MSL2: variants seen among roughly 807,000 people sequenced by gnomAD.
The protein encoded by MSL2 is MSL complex subunit 2.
In MSL2, 2 loss-of-function variants were observed where a neutral mutation model predicts 35.8. The observed-to-expected ratio is 0.06, with a 90% CI of 0.02 to 0.18. The LOEUF is 0.18. MSL2 is among the 10% of genes least tolerant of loss of function. The pLI, the probability that MSL2 is intolerant of heterozygous loss-of-function variation, is 1.00. For synonymous variants in MSL2, 296 were observed against 255.7 expected, an observed-to-expected ratio of 1.16 and a Z score of -1.50; for missense variants, 523 against 706.7, an observed-to-expected ratio of 0.74 and a Z score of 2.95.
chr3:136,167,840 T>C (rs1194619109), intron 1 of MSL2, among the ~76,000 whole-genome samples: 2 of 152,166 alleles, frequency 1.3e-5, no homozygotes, highest in African/African-American at 2.4e-5. Context: ...ATACCCTCAA[T>C]CAACTTTTCC....
intron 1 of MSL2, among the ~76,000 whole-genome samples, chr3:136,169,002 T>A (rs143964014): frequency 0.01 from 1,534 of 152,092 alleles, 29 homozygotes; most frequent in African/African-American, 0.033. Flanking sequence ...TTGCCAGCCA[T>A]ATCACACGGC....
chr3:136,169,472 G>A (rs989757311), intron 1 of MSL2, among the ~76,000 whole-genome samples: 5 of 151,846 alleles, frequency 3.3e-5, no homozygotes, highest in Non-Finnish European at 5.9e-5. Context: ...TTTTTGAGAC[G>A]CAGTCTCACT....
At chr3:136,190,601 G>A (rs1309022335) in intron 1 of MSL2, among the ~76,000 whole-genome samples, 1 of 151,006 alleles carries the variant, frequency 6.6e-6, no homozygotes, top group Admixed American at 6.6e-5. Context: ...TACTTTCCAA[G>A]TTATCTCCAA....
Position 136,156,699 on chromosome 3 carries a change from C to CA in MSL2, c.143-3962dup, listed in dbSNP as rs764745689. Among the ~76,000 whole-genome samples the CA allele has an allele frequency of 1.2e-3, 187 of 152,008 alleles. 1 individual carries two copies. The highest frequency in any genetic ancestry group is 3.5e-4 in the Non-Finnish European group (24 of 67,982). On this transcript the variant is annotated intron_variant, in intron 1 of 1. Transcript: ENST00000309993. Reference sequence around the variant, plus strand: ...CTAACACGGTGAAACCCCATCAATACAAAAAATTAGCCGGGCGTGGTGGCA... The same window carrying CA: ...CTAACACGGTGAAACCCCATCAATACAAAAAAATTAGCCGGGCGTGGTGGCA...
chr3:136,195,871 G>C lies in MSL2; in HGVS notation c.-758C>G. On this transcript the variant is annotated 5_prime_UTR_variant, in exon 1 of 2. Coordinates refer to ENST00000309993, the MANE Select transcript of MSL2 (RefSeq NM_018133.4). The stretch of plus-strand genomic sequence containing the variant: ...CGCGGGCCGCCGCCGGCGGGCGGGA[G>C]GGGGCGGGGGGCAAGCCCGGCCGGG... The C allele has an allele frequency of 1.0e-6, 1 of 962,682 alleles. No homozygotes were observed. The highest frequency in any genetic ancestry group is 1.2e-6 in the Non-Finnish European group (1 of 810,156). 59.6% of individuals were successfully genotyped at this position (962,682 alleles called of 1,614,324 possible).
intron 1 of MSL2, among the ~76,000 whole-genome samples, chr3:136,171,069 C>A (rs748702877): frequency 1.3e-5 from 2 of 152,114 alleles, no homozygotes; most frequent in Non-Finnish European, 2.9e-5. Flanking sequence ...TAATCATTTT[C>A]TTTCATTATA....
chr3:136,159,592 G>C (rs1340858056), intron 1 of MSL2, among the ~76,000 whole-genome samples: 3 of 149,988 alleles, frequency 2.0e-5, no homozygotes, highest in African/African-American at 7.4e-5. Flanking sequence ...GGATGGTCTT[G>C]ATCTCCTGGC....
chr3:136,184,215 G>T (rs550014768), intron 1 of MSL2, among the ~76,000 whole-genome samples: 1 of 152,132 alleles, frequency 6.6e-6, no homozygotes, highest in Non-Finnish European at 1.5e-5. Flanking sequence ...AGAATTGCTC[G>T]AACCCGGGAG....
At chr3:136,154,868 GC>G (rs1269716051) in intron 1 of MSL2, among the ~76,000 whole-genome samples, 1 of 152,104 alleles carries the variant, frequency 6.6e-6, no homozygotes, top group Non-Finnish European at 1.5e-5. Flanking sequence ...ACCAGCTTGG[GC>G]AAGACAGCAA....
chr3:136,169,201 C>A, intron 1 of MSL2, among the ~76,000 whole-genome samples: 1 of 107,314 alleles, frequency 9.3e-6, no homozygotes, highest in Non-Finnish European at 1.7e-5. Context: ...ACCATGGGGG[C>A]ATGGCTTGTT....
At chr3:136,174,602 T>C (rs1405832179) in intron 1 of MSL2, among the ~76,000 whole-genome samples, 1 of 152,168 alleles carries the variant, frequency 6.6e-6, no homozygotes, top group East Asian at 1.9e-4. Flanking sequence ...GGATTCTCAA[T>C]AACAGGTTTG....
intron 1 of MSL2, among the ~76,000 whole-genome samples, chr3:136,185,794 C>T (rs559965413): frequency 6.6e-6 from 1 of 152,262 alleles, no homozygotes; most frequent in Non-Finnish European, 1.5e-5. Context: ...GCGTGAGCCA[C>T]CACGCCTGGC....
chr3:136,182,863 G>A (rs1940408361), intron 1 of MSL2, among the ~76,000 whole-genome samples: 1 of 152,202 alleles, frequency 6.6e-6, no homozygotes, highest in African/African-American at 2.4e-5. Context: ...ACAACTCACA[G>A]AAGTAGCAGA....
chr3:136,152,906 C>T, intron 1 of MSL2, 168 bp from the exon 2 acceptor site: 1 of 985,402 alleles, frequency 1.0e-6, no homozygotes, highest in Non-Finnish European at 1.2e-6. Context: ...CTTCAATTAG[C>T]TCGCTTGATT....
Position 136,151,808 on chromosome 3 carries a change from G to C in MSL2, c.1073C>G (p.Ser358Cys). ...DSEKVQPLPISTIIRGPTLGA... is the reference protein window; with the variant it reads ...DSEKVQPLPICTIIRGPTLGA... ...CAGTGTTGGGCCTCGGATAATGGTAGAAATTGGAAGTGGCTGAACTTTCTC... is the reference window on the plus strand; with the variant it reads ...CAGTGTTGGGCCTCGGATAATGGTACAAATTGGAAGTGGCTGAACTTTCTC... The change falls in exon 2 of 2, where the codon TCT (serine) becomes TGT (cysteine). Residue 358 changes from serine to cysteine, a missense_variant. By Grantham distance (112) the Ser-to-Cys change is moderately radical (BLOSUM62 -1). Around this residue, in one of 5 missense-constraint regions of MSL2, gnomAD observed 361 missense variants for 414.6 expected, o/e 0.87. Transcript: ENST00000309993. The surrounding 1 kb of genome is among the most constrained non-coding windows in gnomAD (Gnocchi z 5.2). 6.2e-7 allele frequency: 1 copy of C among 1,614,176 alleles called. No individual in the cohort carries two copies. The highest frequency in any genetic ancestry group is 1.1e-5 in the South Asian group (1 of 91,082).
intron 1 of MSL2, among the ~76,000 whole-genome samples, chr3:136,159,319 AT>A (rs1939628153): frequency 1.4e-5 from 2 of 145,782 alleles, no homozygotes; most frequent in African/African-American, 5.1e-5. Context: ...GCGACAGGGT[AT>A]CCAGATGATT....
rs1940818943 is a variant in MSL2, at chr3:136,195,626, G to A, written c.-513C>T. ...CGGAGGCGGCGGCGACGGCAAGGAC[G>A]ACGGTCGGGCAGCGGCTTCCCGGAT... On this transcript the variant is annotated 5_prime_UTR_variant, in exon 1 of 2. Transcript: ENST00000309993. 3.1e-6 allele frequency: 3 copies of A among 980,816 alleles called. No homozygotes were observed. The highest frequency in any genetic ancestry group is 4.7e-5 in the South Asian group (1 of 21,278). The allele number at this position is 980,816 out of a possible 1,614,324, so 60.8% of individuals were successfully genotyped here.
chr3:136,160,579 A>G (rs1421221380), intron 1 of MSL2, among the ~76,000 whole-genome samples: 6 of 151,814 alleles, frequency 4.0e-5, no homozygotes, highest in African/African-American at 1.2e-4. Context: ...CTGTGGTGGC[A>G]TGCACCTGTA....
Position 136,195,463 on chromosome 3 carries a change from A to G in MSL2, c.-350T>C. On this transcript the variant is annotated 5_prime_UTR_variant, in exon 1 of 2. Coordinates refer to ENST00000309993, the MANE Select transcript of MSL2 (RefSeq NM_018133.4). ...CCCCGCGGCTCGGCAGGCGGCCTGC[A>G]CTCGAGCTCCATCTCCGGACACGGA... 1.9e-6 allele frequency: 2 copies of G among 1,032,948 alleles called. No individual in the cohort carries two copies. Among genetic ancestry groups the G allele is most frequent in the East Asian group, 8.8e-5 (1 of 11,324 alleles). The allele number at this position is 1,032,948 out of a possible 1,614,324, so 64.0% of individuals were successfully genotyped here. A position where few individuals can be genotyped will look rare whatever the true frequency, so the allele number is the denominator to read the frequency against.
Sources: allele counts gnomAD v4.1 joint callset (sites outside exome capture counted in the v4.1 genomes callset), GRCh38; gene constraint gnomAD v4.1.1; regional missense constraint gnomAD v4.1.1; non-coding constraint Gnocchi (gnomAD v3.1); transcripts MANE v1.5; gene names NCBI Gene and HGNC (gene_info 2026-07-23, HGNC 2026-07-21).